GPBP1: variants seen among roughly 807,000 people sequenced by gnomAD.
The protein encoded by GPBP1 is vasculin.
Under a neutral mutation model 56.5 loss-of-function variants are expected in GPBP1, and 13 were observed. The ratio of observed to expected loss-of-function variants is 0.23; its 90% CI spans 0.15 to 0.37. GPBP1 has a LOEUF of 0.37. Ranked by LOEUF, GPBP1 falls within the 10% of genes least tolerant of loss-of-function variation. The probability of loss-of-function intolerance (pLI) is 1.00; values close to 1 mark genes in which losing one functional copy is unlikely to be tolerated. For missense variants in GPBP1, 477 were observed against 572.3 expected (o/e 0.83, Z 1.70); for synonymous variants, 204 against 188.9 (o/e 1.08, Z -0.66).
intron 2 of GPBP1, among the ~76,000 whole-genome samples, chr5:57,201,573 C>G (rs1281617837): frequency 6.6e-6 from 1 of 152,146 alleles, no homozygotes; most frequent in Non-Finnish European, 1.5e-5. Context: ...TTACATAGTT[C>G]AGCAGTGTTT....
chr5:57,210,590 G>A (rs1336408327), intron 2 of GPBP1, among the ~76,000 whole-genome samples: 1 of 152,058 alleles, frequency 6.6e-6, no homozygotes, highest in Non-Finnish European at 1.5e-5. Context: ...TGTTGTGTAT[G>A]TGTAAAGGAA....
intron 5 of GPBP1, 76 bp downstream of exon 5, chr5:57,231,397 T>C (rs1862172): frequency 0.92 from 1,046,368 of 1,137,466 alleles, 481,974 homozygotes; most frequent in East Asian, 1. Flanking sequence ...CCTCAGCCTC[T>C]CCAGTATCTG....
chr5:57,189,726 A>G (rs1225999692), intron 2 of GPBP1, among the ~76,000 whole-genome samples: 1 of 152,208 alleles, frequency 6.6e-6, no homozygotes, highest in African/African-American at 2.4e-5. Context: ...TAAAAATAGC[A>G]TGCATACTCT....
At chr5:57,231,343 T>C (rs781723761) in intron 5 of GPBP1, 22 bp downstream of exon 5, 1 of 1,581,866 alleles carries the variant, frequency 6.3e-7, no homozygotes, top group Admixed American at 1.7e-5. Context: ...ATGACTTTTA[T>C]ACAAATGAAG....
At position 57,177,241 on chromosome 5, in the gene GPBP1, G is replaced by T. The variant is rs563255781; in HGVS notation, c.-58+841G>T. ...TGTTTTGACAGGTGAGAGAGTTATC[G>T]TTTAATGTTTGTATTTTTCAGGATT... On this transcript the variant is annotated intron_variant, in intron 2 of 11. Transcript: ENST00000506184. Among the ~76,000 whole-genome samples the T allele has an allele frequency of 3.2e-3, 481 of 152,052 alleles. 4 individuals carry two copies. Among genetic ancestry groups the T allele is most frequent in the African/African-American group, 0.011 (457 of 41,454 alleles).
At chr5:57,235,414 T>C (rs1432088386) in intron 5 of GPBP1, among the ~76,000 whole-genome samples, 2 of 139,726 alleles carry the variant, frequency 1.4e-5, no homozygotes, top group African/African-American at 5.4e-5. Flanking sequence ...TTTTCTTTTC[T>C]TTTTTTTTTT....
intron 10 of GPBP1, among the ~76,000 whole-genome samples, chr5:57,257,188 C>T (rs1238334872): frequency 6.6e-6 from 1 of 152,114 alleles, no homozygotes; most frequent in Non-Finnish European, 1.5e-5. Flanking sequence ...GCACCCGCCA[C>T]AACACCTGGC....
intron 6 of GPBP1, 74 bp from the exon 7 acceptor site, chr5:57,246,226 G>T (rs1057039853): frequency 1.6e-6 from 2 of 1,213,728 alleles, no homozygotes. Context: ...GGAATATACT[G>T]TTCTTTTGGT....
intron 7 of GPBP1, 109 bp from the exon 8 acceptor site, chr5:57,246,966 G>A: frequency 1.2e-6 from 1 of 835,470 alleles, no homozygotes; most frequent in Non-Finnish European, 1.8e-6. Context: ...AAAAATAATT[G>A]TTTCCATGAG....
At chr5:57,194,385 A>T (rs1754658625) in intron 2 of GPBP1, among the ~76,000 whole-genome samples, 1 of 152,066 alleles carries the variant, frequency 6.6e-6, no homozygotes, top group African/African-American at 2.4e-5. Context: ...TTGTGTAAAA[A>T]ATATATATAT....
At chr5:57,233,801 A>G (rs1018234162) in intron 5 of GPBP1, among the ~76,000 whole-genome samples, 1 of 152,186 alleles carries the variant, frequency 6.6e-6, no homozygotes, top group African/African-American at 2.4e-5. Context: ...GTGTTGTTCA[A>G]GGTTCAACTG....
intron 6 of GPBP1, among the ~76,000 whole-genome samples, chr5:57,239,416 C>T (rs907760411): frequency 1.3e-5 from 2 of 152,194 alleles, no homozygotes; most frequent in Non-Finnish European, 2.9e-5. Context: ...TAAATTATAA[C>T]AGTTAGTGAA....
At chr5:57,226,757 T>G (rs1247895595) in intron 3 of GPBP1, among the ~76,000 whole-genome samples, 6 of 93,134 alleles carry the variant, frequency 6.4e-5, no homozygotes, top group African/African-American at 2.8e-4. Flanking sequence ...TTTTTTTTTT[T>G]GAGACAGAAT....
rs149902622 is a variant in GPBP1, at chr5:57,201,492, G to C, written c.-57-12582G>C. 2.9e-3 allele frequency among the ~76,000 whole-genome samples: 447 copies of C among 152,280 alleles called. 1 individual carries two copies. Among genetic ancestry groups the C allele is most frequent in the South Asian group, 5.4e-3 (26 of 4,828 alleles). ...GTGAGCCACTGCATCTGGCCAGATA[G>C]TTCTTTTTGATAATATAATAGTCAT... On this transcript the variant is annotated intron_variant, in intron 2 of 11. Transcript: ENST00000506184.
intron 6 of GPBP1, among the ~76,000 whole-genome samples, chr5:57,239,326 T>G (rs1251342960): frequency 6.6e-6 from 1 of 152,214 alleles, no homozygotes; most frequent in African/African-American, 2.4e-5. Context: ...GAAATGCATT[T>G]CTTTAAGCAT....
chr5:57,219,418 AC>A (rs1459787142), intron 3 of GPBP1, among the ~76,000 whole-genome samples: 28 of 33,416 alleles, frequency 8.4e-4, no homozygotes, highest in East Asian at 4.8e-3. Flanking sequence ...AAACAAACAA[AC>A]AAAAAAAAAA....
chr5:57,174,390 C>T (rs1753701782), intron 1 of GPBP1, among the ~76,000 whole-genome samples, 179 bp downstream of exon 1: 3 of 150,872 alleles, frequency 2.0e-5, no homozygotes, highest in African/African-American at 7.3e-5. Context: ...ATAGGCCCCT[C>T]TAGGTATTGA....
At chr5:57,252,143 C>T (rs1396413674) in intron 10 of GPBP1, among the ~76,000 whole-genome samples, 1 of 144,018 alleles carries the variant, frequency 6.9e-6, no homozygotes, top group Non-Finnish European at 1.5e-5. Context: ...CCACCCCCAC[C>T]CCCACAGGCA....
intron 3 of GPBP1, among the ~76,000 whole-genome samples, chr5:57,223,882 G>A (rs369455651): frequency 4.6e-5 from 7 of 151,136 alleles, no homozygotes; most frequent in African/African-American, 9.7e-5. Flanking sequence ...CCCCCAGGCC[G>A]GAGTGCAGCG....
Sources: allele counts gnomAD v4.1 joint callset (sites outside exome capture counted in the v4.1 genomes callset), GRCh38; gene constraint gnomAD v4.1.1; transcripts MANE v1.5; gene names NCBI Gene and HGNC (gene_info 2026-07-23, HGNC 2026-07-21).